The following BMPR1B variants were observed in gnomAD, a reference collection of about 807,000 sequenced individuals.
BMPR1B encodes the protein bone morphogenetic protein receptor type-1B.
A neutral mutation model predicts 59.1 loss-of-function variants in BMPR1B; 12 were observed. That is an observed-to-expected ratio of 0.20 (90% CI 0.13 to 0.33). The LOEUF (loss-of-function observed/expected upper bound fraction) is 0.33, where lower values mean the gene tolerates loss of function less well. BMPR1B is among the 10% of genes least tolerant of loss of function. BMPR1B has a pLI of 1.00. For missense variants in BMPR1B, 550 were observed against 610.9 expected, an observed-to-expected ratio of 0.90 and a Z score of 1.05; for synonymous variants, 237 against 207.3, an observed-to-expected ratio of 1.14 and a Z score of -1.23.
chr4:95,073,643 GA>G (rs1036991764), intron 3 of BMPR1B, among the ~76,000 whole-genome samples: 2 of 150,844 alleles, frequency 1.3e-5, no homozygotes, highest in African/African-American at 2.4e-5. Flanking sequence ...TCTTCTTAAG[GA>G]AAAAAAAATA....
chr4:94,962,072 T>TTCCTTCCTTCC (rs1730380757), intron 2 of BMPR1B, among the ~76,000 whole-genome samples: 5 of 117,960 alleles, frequency 4.2e-5, no homozygotes, highest in African/African-American at 7.1e-5. Context: ...CTTTCTTTTC[T>TTCCTTCCTTCC]TTCCTTCCTT....
intron 6 of BMPR1B, among the ~76,000 whole-genome samples, chr4:95,118,674 T>C (rs552803575): frequency 6.6e-6 from 1 of 152,320 alleles, no homozygotes; most frequent in Non-Finnish European, 1.5e-5. Context: ...TGGGCTCTGC[T>C]CTTTTCCTGA....
intron 4 of BMPR1B, among the ~76,000 whole-genome samples, chr4:95,111,536 G>T: frequency 6.6e-6 from 1 of 152,040 alleles, no homozygotes; most frequent in East Asian, 1.9e-4. Context: ...GTTCCAGAAG[G>T]CTATATTATA....
intron 4 of BMPR1B, among the ~76,000 whole-genome samples, chr4:95,111,033 T>C (rs981336514): frequency 3.9e-5 from 6 of 152,168 alleles, no homozygotes; most frequent in African/African-American, 2.4e-5. Context: ...TGTTTACAGA[T>C]GACCTAAAAT....
Position 94,769,150 on chromosome 4 carries a change from G to T in BMPR1B, c.-183+11082G>T, listed in dbSNP as rs1165738569. ...TGGCTCATCTGTCCTAAACCTGGAA[G>T]GTGTAATGTAGTTTAACAATAATAT... On this transcript the variant is annotated intron_variant, in intron 1 of 12. Transcript: ENST00000515059. Among the ~76,000 whole-genome samples the T allele has an allele frequency of 5.3e-5, 8 of 152,242 alleles. No individual in the cohort carries two copies. The South Asian group carries it at 1.7e-3, about 32-fold the overall frequency.
intron 2 of BMPR1B, among the ~76,000 whole-genome samples, chr4:94,976,051 C>T (rs1285557655): frequency 6.6e-6 from 1 of 152,198 alleles, no homozygotes; most frequent in Non-Finnish European, 1.5e-5. Context: ...CTGCATTTTG[C>T]AGTCAGGCAG....
At chr4:95,042,097 C>G (rs1165132680) in intron 3 of BMPR1B, among the ~76,000 whole-genome samples, 1 of 152,172 alleles carries the variant, frequency 6.6e-6, no homozygotes, top group Non-Finnish European at 1.5e-5. Flanking sequence ...ACCTCGTGAT[C>G]CACCCGCCTC....
intron 4 of BMPR1B, among the ~76,000 whole-genome samples, chr4:95,107,853 C>T (rs1431917187): frequency 6.6e-6 from 1 of 151,926 alleles, no homozygotes; most frequent in East Asian, 1.9e-4. Context: ...GTATTGATTC[C>T]AGTTGAATCT....
chr4:94,779,022 T>G (rs1722490238), intron 1 of BMPR1B, among the ~76,000 whole-genome samples: 1 of 152,154 alleles, frequency 6.6e-6, no homozygotes, highest in Non-Finnish European at 1.5e-5. Flanking sequence ...GTTCTCAATT[T>G]TAATGTAGTC....
intron 6 of BMPR1B, among the ~76,000 whole-genome samples, chr4:95,118,888 A>C (rs1732265505): frequency 6.6e-6 from 1 of 152,198 alleles, no homozygotes; most frequent in Non-Finnish European, 1.5e-5. Flanking sequence ...AATAAAAGGC[A>C]AATGGGAAGG....
chr4:94,834,206 T>C (rs1223644859), intron 1 of BMPR1B, among the ~76,000 whole-genome samples: 1 of 152,114 alleles, frequency 6.6e-6, no homozygotes, highest in African/African-American at 2.4e-5. Context: ...TATCAGCAGG[T>C]GATCATCCTG....
chr4:94,961,505 A>T (rs1029021200), intron 2 of BMPR1B, among the ~76,000 whole-genome samples: 2 of 152,174 alleles, frequency 1.3e-5, no homozygotes, highest in Non-Finnish European at 2.9e-5. Flanking sequence ...ATCAGGGTAC[A>T]TATTTTTGCC....
At chr4:94,959,685 A>G (rs1300267650) in intron 2 of BMPR1B, among the ~76,000 whole-genome samples, 1 of 152,124 alleles carries the variant, frequency 6.6e-6, no homozygotes, top group Non-Finnish European at 1.5e-5. Context: ...CATAAAGTTA[A>G]TTTACTTCAC....
chr4:95,077,043 T>C (rs1415294338), intron 3 of BMPR1B, among the ~76,000 whole-genome samples: 1 of 152,000 alleles, frequency 6.6e-6, no homozygotes, highest in Non-Finnish European at 1.5e-5. Flanking sequence ...GTGCAAACAC[T>C]AGATGATAGA....
At chr4:94,943,475 C>T (rs1729596506) in intron 2 of BMPR1B, among the ~76,000 whole-genome samples, 1 of 152,168 alleles carries the variant, frequency 6.6e-6, no homozygotes, top group Admixed American at 6.5e-5. Context: ...ATCTGTTCCT[C>T]TGTGTCTTCA....
chr4:94,951,000 C>A (rs1729912539), intron 2 of BMPR1B, among the ~76,000 whole-genome samples: 1 of 152,098 alleles, frequency 6.6e-6, no homozygotes, highest in Non-Finnish European at 1.5e-5. Context: ...CCTTCCCATC[C>A]CTTGTAAGTT....
chr4:94,843,970 G>A (rs1725208289), intron 1 of BMPR1B, among the ~76,000 whole-genome samples: 1 of 146,620 alleles, frequency 6.8e-6, no homozygotes, highest in Non-Finnish European at 1.5e-5. Flanking sequence ...TCTAAGTTTA[G>A]AGAAACAAAG....
chr4:94,868,382 G>T (rs1419086962), intron 1 of BMPR1B, among the ~76,000 whole-genome samples: 1 of 151,954 alleles, frequency 6.6e-6, no homozygotes, highest in East Asian at 1.9e-4. Flanking sequence ...ATATTGACAG[G>T]CTGGTCTTGA....
intron 1 of BMPR1B, among the ~76,000 whole-genome samples, chr4:94,827,068 C>G (rs1306362349): frequency 6.6e-6 from 1 of 152,052 alleles, no homozygotes; most frequent in Non-Finnish European, 1.5e-5. Flanking sequence ...TCTAATTTGG[C>G]TCATTAGGGG....
Sources: allele counts gnomAD v4.1 joint callset (sites outside exome capture counted in the v4.1 genomes callset), GRCh38; gene constraint gnomAD v4.1.1; transcripts MANE v1.5; gene names NCBI Gene and HGNC (gene_info 2026-07-23, HGNC 2026-07-21).